Variants in EYS observed in about 807,000 individuals in gnomAD.
The protein encoded by EYS is EGF-like photoreceptor maintenance factor, also known as protein eyes shut homolog.
A neutral mutation model predicts 282.1 loss-of-function variants in EYS; 250 were observed. The ratio of observed to expected loss-of-function variants is 0.89; its 90% CI spans 0.80 to 0.98. EYS has a LOEUF of 0.98. Ranked by LOEUF, EYS falls within the 50% of genes least tolerant of loss-of-function variation. The pLI, the probability that EYS is intolerant of heterozygous loss-of-function variation, is 0.00. For missense variants in EYS, 4,016 were observed against 3,709.0 expected (o/e 1.08, Z -2.15); for synonymous variants, 1,355 against 1,282.9 (o/e 1.06, Z -1.20).
chr6:65,603,010 T>C (rs1235616803), intron 2 of EYS, among the ~76,000 whole-genome samples: 1 of 151,876 alleles, frequency 6.6e-6, no homozygotes, highest in African/African-American at 2.4e-5. Context: ...TTTGATTGGG[T>C]TTAGGGTGAT....
At chr6:65,673,957 G>T (rs1262598447) in intron 1 of EYS, among the ~76,000 whole-genome samples, 1 of 151,906 alleles carries the variant, frequency 6.6e-6, no homozygotes, top group Non-Finnish European at 1.5e-5. Context: ...GTGTAGGGAA[G>T]GGAGGGGGTG....
At chr6:64,160,178 T>A (rs1423022356) in intron 31 of EYS, among the ~76,000 whole-genome samples, 1 of 152,180 alleles carries the variant, frequency 6.6e-6, no homozygotes, top group Non-Finnish European at 1.5e-5. Context: ...TAAAAATAGA[T>A]TTATGGCCTT....
chr6:64,373,425 T>A (rs1281896774), intron 29 of EYS, among the ~76,000 whole-genome samples: 1 of 152,176 alleles, frequency 6.6e-6, no homozygotes, highest in East Asian at 1.9e-4. Context: ...AGACAAGCTG[T>A]ATTGTCAGGT....
In EYS at chr6:64,884,450, T is replaced by C. The variant is rs1393372874; in HGVS notation, c.2992+2247A>G. Among the ~76,000 whole-genome samples, 29 of 151,598 alleles carry C rather than the reference T, an allele frequency of 1.9e-4. No homozygotes were observed. In the Admixed American group the frequency reaches 1.9e-3, roughly 10 times the overall value. On this transcript the variant is annotated intron_variant, in intron 19 of 42. Coordinates refer to ENST00000503581, the MANE Select transcript of EYS (RefSeq NM_001142800.2). ...AATATACAAAAGTATAACATCCTTG[T>C]GTTTTAAAGTTTAAGATTCTTTAAG...
At chr6:64,406,968 T>C (rs1773736775) in intron 28 of EYS, among the ~76,000 whole-genome samples, 1 of 152,156 alleles carries the variant, frequency 6.6e-6, no homozygotes, top group African/African-American at 2.4e-5. Context: ...CGAAGGATAA[T>C]AAATCATTCT....
rs549568367 is a variant in EYS, at chr6:63,780,600, A to AT, written c.7724-2421dup. Among the ~76,000 whole-genome samples, 7 of 151,350 alleles carry AT rather than the reference A, an allele frequency of 4.6e-5. No homozygotes were observed. In the East Asian group the frequency reaches 1.4e-3, roughly 30 times the overall value. On this transcript the variant is annotated intron_variant, in intron 39 of 42. Transcript: ENST00000503581. ...GCCCAGTTTTTGATAGGGTTGTTTG[A>AT]TTTTTTCTTGTAAATTTGTTTAAGT...
chr6:64,023,551 G>A (rs1006303291), intron 33 of EYS, among the ~76,000 whole-genome samples: 6 of 152,308 alleles, frequency 3.9e-5, no homozygotes, highest in African/African-American at 1.4e-4. Context: ...ACCAACACTT[G>A]TTATTTTTCT....
At chr6:64,488,991 T>A (rs547179999) in intron 26 of EYS, among the ~76,000 whole-genome samples, 1 of 151,008 alleles carries the variant, frequency 6.6e-6, no homozygotes, top group East Asian at 1.9e-4. Context: ...ACTTTGTTTC[T>A]TACTTAGCAC....
At chr6:65,649,741 T>C (rs776710435) in intron 1 of EYS, among the ~76,000 whole-genome samples, 4 of 152,186 alleles carry the variant, frequency 2.6e-5, no homozygotes, top group Non-Finnish European at 5.9e-5. Flanking sequence ...TGTTTTTTAA[T>C]AGGTGTGAAT....
At chr6:64,648,283 G>A (rs184484851) in intron 22 of EYS, among the ~76,000 whole-genome samples, 91 of 152,234 alleles carry the variant, frequency 6.0e-4, no homozygotes, top group Non-Finnish European at 9.8e-4. Flanking sequence ...TAACCACACT[G>A]CTTGTGTGAC....
At chr6:65,330,806 C>T (rs1490665105) in intron 11 of EYS, 1 of 961,638 alleles carries the variant, frequency 1.0e-6, no homozygotes, top group African/African-American at 1.8e-5. Context: ...GTCATTTTAC[C>T]TTAAACTTTT....
chr6:65,663,299 T>C (rs943030451), intron 1 of EYS, among the ~76,000 whole-genome samples: 2 of 151,920 alleles, frequency 1.3e-5, no homozygotes, highest in Non-Finnish European at 2.9e-5. Context: ...ATTCTAAGAG[T>C]ATATGGCACA....
At chr6:65,433,236 G>T (rs1463784678) in intron 5 of EYS, among the ~76,000 whole-genome samples, 1 of 152,138 alleles carries the variant, frequency 6.6e-6, no homozygotes, top group African/African-American at 2.4e-5. Flanking sequence ...AATATGTAGT[G>T]TCCTGGAGTC....
intron 2 of EYS, among the ~76,000 whole-genome samples, chr6:65,629,930 A>T (rs1045318354): frequency 6.6e-6 from 1 of 152,196 alleles, no homozygotes; most frequent in Non-Finnish European, 1.5e-5. Context: ...CAGAGAAGAC[A>T]AATTCTCAAA....
intron 33 of EYS, among the ~76,000 whole-genome samples, chr6:64,021,327 G>A (rs1262792092): frequency 6.6e-6 from 1 of 152,026 alleles, no homozygotes; most frequent in East Asian, 1.9e-4. Flanking sequence ...AGACTGGGGG[G>A]AGTTTGCTTC....
At chr6:64,540,903 A>T (rs1764679183) in intron 26 of EYS, among the ~76,000 whole-genome samples, 1 of 152,192 alleles carries the variant, frequency 6.6e-6, no homozygotes, top group African/African-American at 2.4e-5. Context: ...AAAGAGAATT[A>T]ACAGGAAAGC....
chr6:63,814,450 T>C (rs1003214331), intron 36 of EYS, among the ~76,000 whole-genome samples: 1 of 152,234 alleles, frequency 6.6e-6, no homozygotes, highest in African/African-American at 2.4e-5. Flanking sequence ...TGCCAATTCC[T>C]GCTCATAATA....
chr6:64,243,298 G>A (rs983468955), intron 30 of EYS, among the ~76,000 whole-genome samples: 2 of 152,176 alleles, frequency 1.3e-5, no homozygotes, highest in East Asian at 3.9e-4. Flanking sequence ...AAGTGGAATT[G>A]TGTTAGTCAA....
At chr6:64,803,835 G>T (rs1764340255) in intron 22 of EYS, among the ~76,000 whole-genome samples, 1 of 152,202 alleles carries the variant, frequency 6.6e-6, no homozygotes, top group African/African-American at 2.4e-5. Context: ...TGGAGCAGGT[G>T]CCAGGAGTGG....
Sources: gnomAD v4.1 joint callset for allele counts (sites outside exome capture counted in the v4.1 genomes callset) on GRCh38, gnomAD v4.1.1 for gene constraint, MANE v1.5 for transcripts, NCBI Gene and HGNC (gene_info 2026-07-23, HGNC 2026-07-21) for gene names.